Variants in TICRR observed in about 807,000 individuals in gnomAD.
The protein encoded by TICRR is treslin.
TICRR carries 132 observed loss-of-function variants against 178.1 expected under a neutral mutation model. The ratio of observed to expected loss-of-function variants is 0.74; its 90% CI spans 0.64 to 0.86. TICRR has a LOEUF of 0.86. Among genes scored for constraint, TICRR ranks in the 40% least tolerant of loss-of-function variants. TICRR has a pLI of 0.00. For missense variants in TICRR, 2,587 were observed against 2,334.3 expected (o/e 1.11, Z -2.23); for synonymous variants, 991 against 900.7 (o/e 1.10, Z -1.79).
At chr15:89,586,135 G>T (rs563412740) in intron 4 of TICRR, among the ~76,000 whole-genome samples, 193 bp downstream of exon 4, 4 of 152,216 alleles carry the variant, frequency 2.6e-5, no homozygotes, top group Admixed American at 6.5e-5. Context: ...GAGGCTGCAG[G>T]TTCCATGAAA....
At position 89,618,177 on chromosome 15, in the gene TICRR, G is replaced by C. The variant is rs767950079; in HGVS notation, c.2986G>C (p.Gly996Arg). 1.2e-5 allele frequency: 19 copies of C among 1,613,980 alleles called. No homozygotes were observed. In the South Asian group the frequency reaches 1.6e-4, roughly 14 times the overall value. Reference sequence around the variant, plus strand: ...GTCCTCTGATCCTGGTCCTGATATTGGTGTTGTTGAAGAGTCCCCTGAAAA... The same window carrying C: ...GTCCTCTGATCCTGGTCCTGATATTCGTGTTGTTGAAGAGTCCCCTGAAAA... The part of the protein sequence containing the change: ...GRSSDPGPDI[G>R]VVEESPEKGD... The change falls in exon 17 of 22, where the codon GGT (glycine) becomes CGT (arginine). Residue 996 changes from glycine (G) to arginine (R), a missense_variant. By Grantham distance (125) the Gly-to-Arg change is moderately radical. Coordinates refer to ENST00000268138, the MANE Select transcript of TICRR (RefSeq NM_152259.4).
chr15:89,597,524 C>CAA lies in TICRR; in HGVS notation c.1901-1784_1901-1783dup, dbSNP rs573543978. 9.6e-3 allele frequency among the ~76,000 whole-genome samples: 1,128 copies of CAA among 117,510 alleles called. 8 individuals are homozygous for CAA. Among genetic ancestry groups the CAA allele is most frequent in the African/African-American group, 0.034 (1,001 of 29,680 alleles). 77.1% of individuals were successfully genotyped at this position (117,510 alleles called of 152,430 possible). A position where few individuals can be genotyped will look rare whatever the true frequency, so the allele number is the denominator to read the frequency against. ...TGGGTGACGGAGCAAGACTCTGTCT[C>CAA]AAAAAAAAAAAAAAAAATCCGTTTA... On this transcript the variant is annotated intron_variant, in intron 7 of 21. Coordinates refer to ENST00000268138, the MANE Select transcript of TICRR (RefSeq NM_152259.4).
rs772334123 is a variant in TICRR, at chr15:89,624,632, C to G, written c.4322C>G (p.Pro1441Arg). The G allele has an allele frequency of 2.5e-6, 4 of 1,613,940 alleles. No homozygotes were observed. In the African/African-American group the frequency reaches 5.3e-5, roughly 22 times the overall value. ...PQSPPERRGY[P>R]GPGLRSDWHA... ...TCTCCTCCTGAAAGACGGGGCTACC[C>G]AGGCCCTGGTCTCAGGAGTGATTGG... Residue 1441 changes from proline (P) to arginine (R), a missense_variant, in exon 20 of 22, where the codon CCA becomes CGA. Pro to Arg is a moderately radical substitution (Grantham distance 103, BLOSUM62 -2). Transcript: ENST00000268138.
rs547239023 is a variant in TICRR, at chr15:89,600,692, A to G, written c.2153+7A>G. 10 of 1,380,456 alleles carry G rather than the reference A, an allele frequency of 7.2e-6. No homozygotes were observed. The African/African-American group carries it at 1.5e-4, about 20-fold the overall frequency. The allele number at this position is 1,380,456 out of a possible 1,614,324, so 85.5% of individuals were successfully genotyped here. On this transcript the variant is annotated splice_region_variant and intron_variant, in intron 9 of 21. Coordinates refer to ENST00000268138, the MANE Select transcript of TICRR (RefSeq NM_152259.4). ...AGGAAGACAAAGTTAGAGAGTAAGT[A>G]ACTACCATTTTTTAAAAAATCATCA...
rs375302769 is a variant in TICRR, at chr15:89,624,022, A to G, written c.3712A>G (p.Arg1238Gly). Residue 1238 changes from arginine (R) to glycine (G), a missense_variant, in exon 20 of 22, where the codon AGA (arginine) becomes GGA (glycine). Arg to Gly is a moderately radical substitution (Grantham distance 125). Transcript: ENST00000268138. ...AACTTCATCGACTGCCCAGCCCAGG[A>G]GAGAGTGTCTCACTCCCATCAGAGA... Reference protein sequence around the residue: ...PPTSSTAQPRRECLTPIRDPL... With the variant: ...PPTSSTAQPRGECLTPIRDPL... 7 of 1,613,916 alleles carry G rather than the reference A, an allele frequency of 4.3e-6. No homozygotes were observed. The African/African-American group carries it at 6.7e-5, about 15-fold the overall frequency.
intron 1 of TICRR, among the ~76,000 whole-genome samples, chr15:89,576,821 G>GTGTGTA (rs1216773233): frequency 6.5e-5 from 6 of 92,446 alleles, no homozygotes; most frequent in African/African-American, 2.4e-4. Flanking sequence ...ATGTGTGTGT[G>GTGTGTA]TATATATATA....
chr15:89,575,971 A>G lies in TICRR; in HGVS notation c.385A>G (p.Ser129Gly). The G allele has an allele frequency of 6.2e-7, 1 of 1,604,890 alleles. No individual in the cohort carries two copies. ...TSPTKPILRS[S>G]GRRLLDVESE... ...GCCCACGAAGCCGATCCTGCGGAGC[A>G]GCGGGAGGAGACTGCTGGACGTGGA... The change falls in exon 1 of 22, where the codon AGC (serine) becomes GGC (glycine). Residue 129 changes from serine to glycine, a missense_variant. Coordinates refer to ENST00000268138, the MANE Select transcript of TICRR (RefSeq NM_152259.4).
chr15:89,621,982 C>CTTTTTT lies in TICRR; in HGVS notation c.3312+448_3312+453dup, dbSNP rs34123859. ...TGCCCATTTTATTTACAAACTGACT[C>CTTTTTT]TTTTTTTTTTTTTTTTTTTTTGGAG... On this transcript the variant is annotated intron_variant, in intron 19 of 21. Transcript: ENST00000268138. 1.1e-3 allele frequency among the ~76,000 whole-genome samples: 98 copies of CTTTTTT among 87,708 alleles called. 1 individual carries two copies. Among genetic ancestry groups the CTTTTTT allele is most frequent in the Admixed American group, 2.2e-3 (16 of 7,410 alleles). The allele number at this position is 87,708 out of a possible 152,430, so 57.5% of individuals were successfully genotyped here. A position where few individuals can be genotyped will look rare whatever the true frequency, so the allele number is the denominator to read the frequency against.
chr15:89,594,308 A>G, intron 5 of TICRR, 107 bp from the exon 6 acceptor site: 1 of 951,862 alleles, frequency 1.1e-6, no homozygotes, highest in Non-Finnish European at 1.5e-6. Flanking sequence ...TTGTGGGGAC[A>G]TCTTTTTGGT....
Position 89,625,259 on chromosome 15 carries a change from C to T in TICRR, c.4949C>T (p.Thr1650Ile), listed in dbSNP as rs1307161409. 3 of 1,613,300 alleles carry T rather than the reference C, an allele frequency of 1.9e-6. No individual in the cohort carries two copies. The highest frequency in any genetic ancestry group is 2.2e-5 in the South Asian group (2 of 91,068). ...TACATCTGCCAGGCCTGTACCCCCA[C>T]CCACGGCCCTTCTAGTACCCCCTCT... Reference protein sequence around the residue: ...QTYICQACTPTHGPSSTPSPF... With the variant: ...QTYICQACTPIHGPSSTPSPF... Residue 1650 changes from threonine (T) to isoleucine (I), a missense_variant, in exon 20 of 22, where the codon ACC (threonine) becomes ATC (isoleucine). By Grantham distance (89) the Thr-to-Ile change is moderately conservative. Coordinates refer to ENST00000268138, the MANE Select transcript of TICRR (RefSeq NM_152259.4).
chr15:89,597,300 G>C (rs755394440), intron 7 of TICRR, among the ~76,000 whole-genome samples: 2 of 152,096 alleles, frequency 1.3e-5, no homozygotes, highest in East Asian at 1.9e-4. Flanking sequence ...GAGGCGGGCA[G>C]ATCACCCGAG....
At chr15:89,603,239 T>G (rs963151285) in intron 13 of TICRR, among the ~76,000 whole-genome samples, 1 of 152,186 alleles carries the variant, frequency 6.6e-6, no homozygotes, top group Non-Finnish European at 1.5e-5. Flanking sequence ...TGGACTTTGG[T>G]TGCATACCAG....
chr15:89,576,341 C>T (rs781378752), intron 1 of TICRR, 101 bp downstream of exon 1: 20 of 1,080,040 alleles, frequency 1.9e-5, no homozygotes, highest in Non-Finnish European at 2.6e-5. Context: ...CCGAATGAGA[C>T]TAATATGACT....
Position 89,599,433 on chromosome 15 carries a change from C to A in TICRR, c.2010C>A (p.Thr670=). Residue 670 remains threonine, a synonymous_variant, in exon 8 of 22, where the codon ACC becomes ACA. Coordinates refer to ENST00000268138, the MANE Select transcript of TICRR (RefSeq NM_152259.4). The part of the protein sequence containing the change: ...LYACARNMIS[T]VKMFLKSKGT... ...CATGTGCTCGAAACATGATCTCAAC[C>A]GTTAAAATGTTCCTAAAATCAAAAG... The A allele has an allele frequency of 1.9e-6, 3 of 1,613,072 alleles. No individual in the cohort carries two copies. The highest frequency in any genetic ancestry group is 2.5e-6 in the Non-Finnish European group (3 of 1,179,574).
chr15:89,626,206 C>T (rs1310394346), intron 21 of TICRR, 145 bp downstream of exon 21: 6 of 831,114 alleles, frequency 7.2e-6, no homozygotes, highest in Non-Finnish European at 1.1e-5. Context: ...TCATGTGTGC[C>T]CTTCCCAGAG....
chr15:89,627,352 G>A lies in TICRR; in HGVS notation c.*266G>A, dbSNP rs2141988728. On this transcript the variant is annotated 3_prime_UTR_variant, in exon 22 of 22. Transcript: ENST00000268138. ...GCCTGGGAGTCAGGAACCCAGACAA[G>A]GAATCCCATTCCAGCCTCACCCCAA... 1 of 423,170 alleles carries A rather than the reference G, an allele frequency of 2.4e-6. No homozygotes were observed. Among genetic ancestry groups the A allele is most frequent in the South Asian group, 4.6e-5 (1 of 21,620 alleles). The allele number at this position is 423,170 out of a possible 1,614,324, so 26.2% of individuals were successfully genotyped here.
intron 15 of TICRR, among the ~76,000 whole-genome samples, chr15:89,615,852 A>G (rs1298916526): frequency 2.6e-5 from 4 of 151,882 alleles, no homozygotes; most frequent in Non-Finnish European, 5.9e-5. Context: ...TCATTTTTTC[A>G]GGATTGCTTA....
intron 13 of TICRR, among the ~76,000 whole-genome samples, chr15:89,604,312 A>G (rs962787000): frequency 6.6e-6 from 1 of 152,240 alleles, no homozygotes; most frequent in Non-Finnish European, 1.5e-5. Context: ...AATAAAATGC[A>G]TATCTTATAT....
In TICRR at chr15:89,584,456, G is replaced by C; in HGVS notation, c.1105G>C (p.Glu369Gln). 6.2e-7 allele frequency: 1 copy of C among 1,613,194 alleles called. No homozygotes were observed. The highest frequency in any genetic ancestry group is 8.5e-7 in the Non-Finnish European group (1 of 1,179,584). Residue 369 changes from glutamate (E) to glutamine (Q), a missense_variant, in exon 3 of 22, where the codon GAG becomes CAG. Coordinates refer to ENST00000268138, the MANE Select transcript of TICRR (RefSeq NM_152259.4). The part of the protein sequence containing the change: ...TDSWMLGSPE[E>Q]STATQRLLFQ... ...CAGCTGGATGCTAGGAAGTCCAGAG[G>C]AGAGCACAGCAACTCAAAGGCTGTT...
Sources: gnomAD v4.1 joint callset for allele counts (sites outside exome capture counted in the v4.1 genomes callset) on GRCh38, gnomAD v4.1.1 for gene constraint, MANE v1.5 for transcripts, NCBI Gene and HGNC (gene_info 2026-07-23, HGNC 2026-07-21) for gene names.